CBLB: variants seen among roughly 807,000 people sequenced by gnomAD.
The protein encoded by CBLB is E3 ubiquitin-protein ligase CBL-B.
Under a neutral mutation model 104.9 loss-of-function variants are expected in CBLB, and 31 were observed. The observed-to-expected ratio is 0.30, with a 90% CI of 0.22 to 0.40. The LOEUF is 0.40. CBLB is among the 10% of genes least tolerant of loss of function. The probability of loss-of-function intolerance (pLI) is 1.00; values close to 1 mark genes in which losing one functional copy is unlikely to be tolerated. For synonymous variants in CBLB, 440 were observed against 422.6 expected (o/e 1.04, Z -0.51); for missense variants, 1,062 against 1,214.6 (o/e 0.87, Z 1.87).
At chr3:105,844,880 CTTTAA>C (rs896991993) in intron 3 of CBLB, among the ~76,000 whole-genome samples, 5 of 152,240 alleles carry the variant, frequency 3.3e-5, no homozygotes, top group Non-Finnish European at 7.4e-5. Context: ...TATAAACAAA[CTTTAA>C]TTTAGTTTTG....
At chr3:105,740,470 C>A in intron 7 of CBLB, 24 bp downstream of exon 7, 1 of 1,613,598 alleles carries the variant, frequency 6.2e-7, no homozygotes, top group Non-Finnish European at 8.5e-7. Context: ...CATAAGCACT[C>A]CAACTTCCAT....
At chr3:105,730,195 T>C (rs1338067798) in intron 9 of CBLB, among the ~76,000 whole-genome samples, 1 of 152,030 alleles carries the variant, frequency 6.6e-6, no homozygotes, top group Non-Finnish European at 1.5e-5. Flanking sequence ...TTAGTGCTGG[T>C]AGTACTGCAT....
At chr3:105,817,671 C>T (rs551594622) in intron 3 of CBLB, among the ~76,000 whole-genome samples, 2 of 152,180 alleles carry the variant, frequency 1.3e-5, no homozygotes, top group African/African-American at 4.8e-5. Flanking sequence ...CTGTAACATA[C>T]CAAAGCTCAT....
At chr3:105,869,157 C>A, upstream of CBLB, 3 of 623,224 alleles carry the variant, frequency 4.8e-6, no homozygotes, top group Non-Finnish European at 7.3e-6. Context: ...CCGTCCTCCT[C>A]GCGCTGCCGC....
chr3:105,765,982 A>G (rs1329377330), intron 4 of CBLB, among the ~76,000 whole-genome samples: 1 of 152,218 alleles, frequency 6.6e-6, no homozygotes, highest in African/African-American at 2.4e-5. Context: ...CCTCGTGGAA[A>G]GGATTCACCT....
chr3:105,665,721 CTT>C (rs1047585035), intron 18 of CBLB, among the ~76,000 whole-genome samples: 17 of 149,000 alleles, frequency 1.1e-4, no homozygotes, highest in African/African-American at 4.2e-4. Context: ...ATAATATTAA[CTT>C]ATATAAAATT....
At chr3:105,746,441 C>G (rs1205831203) in intron 5 of CBLB, among the ~76,000 whole-genome samples, 1 of 152,132 alleles carries the variant, frequency 6.6e-6, no homozygotes, top group African/African-American at 2.4e-5. Context: ...AGGTTTGATC[C>G]CCAGCAGTTC....
intron 3 of CBLB, among the ~76,000 whole-genome samples, chr3:105,804,754 A>G (rs2083302721): frequency 2.0e-5 from 3 of 151,696 alleles, no homozygotes; most frequent in African/African-American, 7.3e-5. Context: ...AACATCTGTT[A>G]TATCCATTCT....
intron 3 of CBLB, among the ~76,000 whole-genome samples, chr3:105,851,497 C>T (rs1313843821): frequency 6.6e-6 from 1 of 152,124 alleles, no homozygotes; most frequent in Non-Finnish European, 1.5e-5. Flanking sequence ...AACAGCACAA[C>T]ACAAAAAGTG....
chr3:105,855,966 G>A (rs1369404761), intron 2 of CBLB, among the ~76,000 whole-genome samples: 4 of 152,040 alleles, frequency 2.6e-5, no homozygotes, highest in African/African-American at 9.7e-5. Context: ...ATAAACAATC[G>A]AACTATAATA....
intron 10 of CBLB, among the ~76,000 whole-genome samples, chr3:105,718,207 C>T (rs2072209626): frequency 6.6e-6 from 1 of 152,082 alleles, no homozygotes; most frequent in Non-Finnish European, 1.5e-5. Flanking sequence ...TCACATAATT[C>T]AAACTATTAA....
At chr3:105,678,726 T>C (rs2065945242) in intron 16 of CBLB, among the ~76,000 whole-genome samples, 155 bp from the exon 17 acceptor site, 1 of 152,244 alleles carries the variant, frequency 6.6e-6, no homozygotes, top group South Asian at 2.1e-4. Context: ...TAATGGGATC[T>C]AATTATTTTG....
intron 3 of CBLB, among the ~76,000 whole-genome samples, chr3:105,812,036 T>A (rs2084381316): frequency 6.6e-6 from 1 of 152,070 alleles, no homozygotes; most frequent in African/African-American, 2.4e-5. Context: ...TTTTTTTAAA[T>A]ACTTGGTCTC....
chr3:105,734,001 G>C lies in CBLB; in HGVS notation c.1203+8C>G. The stretch of plus-strand genomic sequence containing the variant: ...TAAGAAAGACATCCATGTTGCTAAT[G>C]ATTATACCTGCCATGCCGTAAGGCA... On this transcript the variant is annotated splice_region_variant and intron_variant, in intron 9 of 18. Transcript: ENST00000394030. 6.2e-7 allele frequency: 1 copy of C among 1,613,138 alleles called. No individual in the cohort carries two copies. Among genetic ancestry groups the C allele is most frequent in the South Asian group, 1.1e-5 (1 of 91,042 alleles).
chr3:105,753,334 G>C (rs1306225808), intron 4 of CBLB, among the ~76,000 whole-genome samples: 1 of 150,668 alleles, frequency 6.6e-6, no homozygotes, highest in Non-Finnish European at 1.5e-5. Context: ...AGAAACACAC[G>C]TCAGGCTCTG....
intron 3 of CBLB, among the ~76,000 whole-genome samples, chr3:105,830,595 TA>T (rs1329807497): frequency 6.6e-6 from 1 of 152,200 alleles, no homozygotes; most frequent in Non-Finnish European, 1.5e-5. Flanking sequence ...TTGTTTCCAA[TA>T]AATAAGTAAA....
chr3:105,842,224 G>A (rs944005776), intron 3 of CBLB, among the ~76,000 whole-genome samples: 1 of 152,158 alleles, frequency 6.6e-6, no homozygotes, highest in African/African-American at 2.4e-5. Flanking sequence ...TGGCACAAGT[G>A]ATGACCCCTT....
intron 3 of CBLB, among the ~76,000 whole-genome samples, chr3:105,791,034 C>T (rs1045869515): frequency 6.6e-6 from 1 of 152,154 alleles, no homozygotes; most frequent in Non-Finnish European, 1.5e-5. Context: ...TTCAATAATA[C>T]GTTATCACCA....
chr3:105,845,399 A>C (rs2090112832), intron 3 of CBLB, among the ~76,000 whole-genome samples: 1 of 151,498 alleles, frequency 6.6e-6, no homozygotes, highest in South Asian at 2.1e-4. Flanking sequence ...AAAAAACTAA[A>C]CTAAATAAAT....
Sources: allele counts gnomAD v4.1 joint callset (sites outside exome capture counted in the v4.1 genomes callset), GRCh38; gene constraint gnomAD v4.1.1; transcripts MANE v1.5; gene names NCBI Gene and HGNC (gene_info 2026-07-23, HGNC 2026-07-21).